Variants in FOXN3 observed in about 807,000 individuals in gnomAD.
FOXN3 encodes the protein forkhead box N3.
A neutral mutation model predicts 38.4 loss-of-function variants in FOXN3; 7 were observed. The ratio of observed to expected loss-of-function variants is 0.18; its 90% confidence interval spans 0.10 to 0.34. FOXN3 has a LOEUF of 0.34. Among genes scored for constraint, FOXN3 ranks in the 10% least tolerant of loss-of-function variants. FOXN3 has a pLI of 1.00. For missense variants in FOXN3, 456 were observed against 613.4 expected (o/e 0.74, Z 2.71); for synonymous variants, 230 against 242.2 (o/e 0.95, Z 0.47).
chr14:89,616,613 G>T (rs1395101030), intron 1 of FOXN3, among the ~76,000 whole-genome samples: 4 of 140,224 alleles, frequency 2.9e-5, no homozygotes, highest in Non-Finnish European at 6.0e-5. Flanking sequence ...GAACCCTCTT[G>T]TAAACACAAA....
chr14:89,517,878 G>A (rs1894237553), intron 1 of FOXN3, among the ~76,000 whole-genome samples: 1 of 152,206 alleles, frequency 6.6e-6, no homozygotes, highest in Non-Finnish European at 1.5e-5. Flanking sequence ...GTATTGGCCT[G>A]TAAGTTGCTT....
At chr14:89,323,178 C>T (rs1252049715) in intron 3 of FOXN3, among the ~76,000 whole-genome samples, 1 of 151,558 alleles carries the variant, frequency 6.6e-6, no homozygotes, top group Non-Finnish European at 1.5e-5. Context: ...GTCCCAGCTA[C>T]TCGGGAGGCT....
At chr14:89,281,085 C>T in intron 3 of FOXN3, 71 bp from the exon 4 acceptor site, 1 of 1,349,562 alleles carries the variant, frequency 7.4e-7, no homozygotes, top group South Asian at 1.2e-5. Context: ...CCTTCCCACA[C>T]TTCCCTCAAA....
intron 3 of FOXN3, among the ~76,000 whole-genome samples, chr14:89,336,435 G>A (rs1173127439): frequency 6.6e-6 from 1 of 152,150 alleles, no homozygotes; most frequent in South Asian, 2.1e-4. Flanking sequence ...CAAGTGATAT[G>A]TCATTCTTCC....
intron 1 of FOXN3, among the ~76,000 whole-genome samples, chr14:89,526,550 G>C (rs937103556): frequency 6.6e-6 from 1 of 151,994 alleles, no homozygotes; most frequent in Non-Finnish European, 1.5e-5. Flanking sequence ...TCTGACAAAA[G>C]ATATACAAGA....
intron 4 of FOXN3, among the ~76,000 whole-genome samples, chr14:89,278,410 C>G (rs1204502751): frequency 6.6e-6 from 1 of 152,160 alleles, no homozygotes; most frequent in Non-Finnish European, 1.5e-5. Flanking sequence ...ACAGCCAAAC[C>G]ATATCCTACT....
chr14:89,523,167 C>G (rs901842272), intron 1 of FOXN3, among the ~76,000 whole-genome samples: 1 of 152,078 alleles, frequency 6.6e-6, no homozygotes, highest in Non-Finnish European at 1.5e-5. Context: ...AAGAACATAA[C>G]AACCCTAAAT....
At chr14:89,577,488 A>C (rs1020752327) in intron 1 of FOXN3, 7 of 152,154 alleles carry the variant, frequency 4.6e-5, no homozygotes, top group African/African-American at 1.7e-4. Context: ...GGAATAAAAA[A>C]CCTGCAAATT....
At chr14:89,382,954 C>T (rs1890691178) in intron 2 of FOXN3, among the ~76,000 whole-genome samples, 1 of 151,140 alleles carries the variant, frequency 6.6e-6, no homozygotes, top group Non-Finnish European at 1.5e-5. Flanking sequence ...GGGATCCACC[C>T]AACACCATTC....
intron 4 of FOXN3, among the ~76,000 whole-genome samples, chr14:89,200,083 AAAAC>A (rs372214799): frequency 2.7e-4 from 41 of 152,148 alleles, no homozygotes; most frequent in African/African-American, 7.2e-4. Context: ...AGAACAGATG[AAAAC>A]AAACAAACAA....
Position 89,517,317 on chromosome 14 carries a change from C to G in FOXN3, c.-15+101711G>C, listed in dbSNP as rs1196477636. Among the ~76,000 whole-genome samples, 4 of 140,438 alleles carry G rather than the reference C, an allele frequency of 2.8e-5. No homozygotes were observed. In the East Asian group the frequency reaches 9.1e-4, roughly 32 times the overall value. 92.1% of individuals were successfully genotyped at this position (140,438 alleles called of 152,430 possible). ...GGCGGAGGTTGCAGTGAGCCGAGAT[C>G]ACACTCCAGCCTGGGCGACAGAAAG... On this transcript the variant is annotated intron_variant, in intron 1 of 6. Transcript: ENST00000345097.
At chr14:89,265,720 G>A (rs1274205020) in intron 4 of FOXN3, among the ~76,000 whole-genome samples, 1 of 152,216 alleles carries the variant, frequency 6.6e-6, no homozygotes, top group Non-Finnish European at 1.5e-5. Context: ...CAGCTAGTAA[G>A]TGGAAGGTCC....
chr14:89,505,127 G>A (rs1893884832), intron 1 of FOXN3, among the ~76,000 whole-genome samples: 1 of 152,208 alleles, frequency 6.6e-6, no homozygotes, highest in African/African-American at 2.4e-5. Context: ...TACCTCTGCA[G>A]CCTAAACTAG....
chr14:89,477,105 A>G (rs373382818), intron 1 of FOXN3, among the ~76,000 whole-genome samples: 18 of 152,064 alleles, frequency 1.2e-4, no homozygotes, highest in African/African-American at 3.9e-4. Context: ...TATTTTTCTC[A>G]TTTTGCCTTA....
intron 3 of FOXN3, among the ~76,000 whole-genome samples, chr14:89,281,864 C>T (rs1247476779): frequency 6.6e-6 from 1 of 152,148 alleles, no homozygotes; most frequent in Non-Finnish European, 1.5e-5. Context: ...ATAAATTACT[C>T]TCATCAAAAT....
At chr14:89,411,418 C>T (rs373878717) in intron 2 of FOXN3, among the ~76,000 whole-genome samples, 1 of 152,184 alleles carries the variant, frequency 6.6e-6, no homozygotes, top group African/African-American at 2.4e-5. Flanking sequence ...GTTTAGTCTG[C>T]GAGCGTAAGT....
chr14:89,386,054 T>C (rs1890781819), intron 2 of FOXN3, among the ~76,000 whole-genome samples: 1 of 152,182 alleles, frequency 6.6e-6, no homozygotes, highest in African/African-American at 2.4e-5. Flanking sequence ...TTTGCTTTTG[T>C]CAACTCAGCA....
intron 4 of FOXN3, among the ~76,000 whole-genome samples, chr14:89,208,616 A>G (rs1428008381): frequency 6.6e-6 from 1 of 152,162 alleles, no homozygotes; most frequent in Admixed American, 6.5e-5. Flanking sequence ...CCACCTAGCA[A>G]TATCTCGAGC....
At chr14:89,506,612 T>C (rs1034264458) in intron 1 of FOXN3, among the ~76,000 whole-genome samples, 5 of 151,066 alleles carry the variant, frequency 3.3e-5, no homozygotes, top group African/African-American at 9.7e-5. Flanking sequence ...GCCACCACCC[T>C]GTCTGGGAGG....
Sources: gnomAD v4.1 joint callset for allele counts (sites outside exome capture counted in the v4.1 genomes callset) on GRCh38, gnomAD v4.1.1 for gene constraint, MANE v1.5 for transcripts, NCBI Gene and HGNC (gene_info 2026-07-23, HGNC 2026-07-21) for gene names.